Variants in SRPK2 observed in about 807,000 individuals in gnomAD.
SRPK2 encodes the protein SRSF protein kinase 2, also known as SFRS protein kinase 2.
A neutral mutation model predicts 90.8 loss-of-function variants in SRPK2; 21 were observed. The observed-to-expected ratio is 0.23, with a 90% CI of 0.16 to 0.33. The LOEUF is 0.33. Ranked by LOEUF, SRPK2 falls within the 10% of genes least tolerant of loss-of-function variation. The pLI is 1.00. For missense variants in SRPK2, 620 were observed against 869.0 expected (o/e 0.71, Z 3.60); for synonymous variants, 288 against 311.1 (o/e 0.93, Z 0.78).
At chr7:105,146,425 TCAA>T (rs1330425772) in intron 8 of SRPK2, 65 bp downstream of exon 8, 1 of 1,543,084 alleles carries the variant, frequency 6.5e-7, no homozygotes, top group African/African-American at 1.4e-5. Context: ...TCAGATACCT[TCAA>T]CAACTGCAAC....
chr7:105,241,208 T>A (rs1013836960), intron 2 of SRPK2, among the ~76,000 whole-genome samples: 3 of 152,210 alleles, frequency 2.0e-5, no homozygotes, highest in African/African-American at 7.2e-5. Flanking sequence ...TAAATTTAGA[T>A]GTTCCTTCTT....
chr7:105,323,414 G>A (rs2131575920), intron 2 of SRPK2, among the ~76,000 whole-genome samples: 1 of 152,240 alleles, frequency 6.6e-6, no homozygotes, highest in African/African-American at 2.4e-5. Context: ...GGCAACATAT[G>A]ACTTCCTCCT....
intron 3 of SRPK2, among the ~76,000 whole-genome samples, chr7:105,169,990 A>G (rs1790600087): frequency 6.6e-6 from 1 of 151,876 alleles, no homozygotes; most frequent in Non-Finnish European, 1.5e-5. Flanking sequence ...TAATTTTTGT[A>G]TTTTTTGTAG....
intron 2 of SRPK2, among the ~76,000 whole-genome samples, chr7:105,253,718 C>A (rs147027786): frequency 6.4e-4 from 98 of 152,172 alleles, no homozygotes; most frequent in African/African-American, 2.3e-3. Flanking sequence ...ATGAAAAGGT[C>A]TTGACCAAAA....
At chr7:105,320,727 A>G (rs1393865249) in intron 2 of SRPK2, among the ~76,000 whole-genome samples, 1 of 152,164 alleles carries the variant, frequency 6.6e-6, no homozygotes, top group East Asian at 1.9e-4. Flanking sequence ...TAACCCATTT[A>G]TGCCGAAGGT....
chr7:105,173,416 C>G (rs1022095086), intron 3 of SRPK2, among the ~76,000 whole-genome samples: 1 of 152,176 alleles, frequency 6.6e-6, no homozygotes, highest in African/African-American at 2.4e-5. Flanking sequence ...TCTGACCATT[C>G]ATTTTTCATT....
At chr7:105,249,309 CAA>C (rs749283796) in intron 2 of SRPK2, among the ~76,000 whole-genome samples, 9 of 151,942 alleles carry the variant, frequency 5.9e-5, no homozygotes, top group Non-Finnish European at 1.2e-4. Context: ...TTTTAATCTA[CAA>C]AGTGAGAATA....
intron 11 of SRPK2, among the ~76,000 whole-genome samples, chr7:105,140,408 C>T (rs1803539512): frequency 6.6e-6 from 1 of 151,960 alleles, no homozygotes; most frequent in Admixed American, 6.6e-5. Context: ...GGAGACCAGC[C>T]TGGCCAACAT....
rs6958345 is a variant in SRPK2, at chr7:105,247,529, T to A, written c.72-43744A>T. On this transcript the variant is annotated intron_variant, in intron 2 of 15. Coordinates refer to ENST00000393651, the MANE Select transcript of SRPK2 (RefSeq NM_182692.3). ...ACATACCAAAAAACACACACACACA[T>A]AAACACACACACACACACACACACA... is the stretch of plus-strand genomic sequence containing the variant. 6.8e-3 allele frequency among the ~76,000 whole-genome samples: 315 copies of A among 46,296 alleles called. 1 individual carries two copies. The highest frequency in any genetic ancestry group is 0.01 in the African/African-American group (296 of 28,552). 30.4% of individuals were successfully genotyped at this position (46,296 alleles called of 152,430 possible).
intron 2 of SRPK2, among the ~76,000 whole-genome samples, chr7:105,282,687 A>G (rs12537307): frequency 0.44 from 66,585 of 151,924 alleles, 15,858 homozygotes; most frequent in South Asian, 0.53. Flanking sequence ...TACTCGGGGG[A>G]CTGAGGCATG....
At chr7:105,296,498 A>G (rs1441132551) in intron 2 of SRPK2, among the ~76,000 whole-genome samples, 2 of 152,236 alleles carry the variant, frequency 1.3e-5, no homozygotes, top group Non-Finnish European at 2.9e-5. Context: ...GTCTTTAGAA[A>G]AAAGATTCCA....
At position 105,168,002 on chromosome 7, in the gene SRPK2, A is replaced by G; in HGVS notation, c.426+6T>C. The G allele has an allele frequency of 6.3e-7, 1 of 1,595,976 alleles. No homozygotes were observed. ...CTTATATCATTCACATTTTTAAAGT[A>G]CTTACACATTTGAGCAATTTTATTT... On this transcript the variant is annotated splice_donor_region_variant and intron_variant, in intron 5 of 15. Coordinates refer to ENST00000393651, the MANE Select transcript of SRPK2 (RefSeq NM_182692.3).
intron 2 of SRPK2, among the ~76,000 whole-genome samples, chr7:105,288,927 C>T (rs1419567039): frequency 6.6e-6 from 1 of 151,936 alleles, no homozygotes; most frequent in African/African-American, 2.4e-5. Flanking sequence ...CTCTCAATAA[C>T]GAAGCTTTCA....
chr7:105,119,445 C>A (rs368784364), intron 15 of SRPK2, among the ~76,000 whole-genome samples: 2 of 152,310 alleles, frequency 1.3e-5, no homozygotes, highest in East Asian at 3.9e-4. Flanking sequence ...GAAGAGTGTT[C>A]TTACACACTA....
chr7:105,179,390 A>T (rs1792432370), intron 3 of SRPK2, among the ~76,000 whole-genome samples: 1 of 152,242 alleles, frequency 6.6e-6, no homozygotes, highest in Non-Finnish European at 1.5e-5. Flanking sequence ...ACAGATTAAC[A>T]AATGAGCAGG....
At chr7:105,248,842 C>T (rs1802086882) in intron 2 of SRPK2, among the ~76,000 whole-genome samples, 1 of 150,424 alleles carries the variant, frequency 6.6e-6, no homozygotes, top group Non-Finnish European at 1.5e-5. Context: ...AGGAGAACGG[C>T]GTGAACCCGG....
At chr7:105,332,990 T>G (rs1265782855) in intron 2 of SRPK2, 1 of 152,126 alleles carries the variant, frequency 6.6e-6, no homozygotes, top group Non-Finnish European at 1.5e-5. Context: ...GGTCAGGACT[T>G]GGAGACCAGC....
intron 3 of SRPK2, among the ~76,000 whole-genome samples, chr7:105,172,342 T>C (rs937712932): frequency 1.3e-5 from 2 of 152,188 alleles, no homozygotes; most frequent in Non-Finnish European, 2.9e-5. Context: ...ACTGCAGGTG[T>C]TCAATAGAGG....
rs78208737 is a variant in SRPK2, at chr7:105,179,440, A to G, written c.230-10175T>C. ...ATTGTCTATGGCTATTTAAAACTGTAAAACTAACTGGCCCAAAGCATAATC... is the reference window on the plus strand; with the variant it reads ...ATTGTCTATGGCTATTTAAAACTGTGAAACTAACTGGCCCAAAGCATAATC... On this transcript the variant is annotated intron_variant, in intron 3 of 15. Transcript: ENST00000393651. Among the ~76,000 whole-genome samples the G allele has an allele frequency of 2.2e-3, 342 of 152,344 alleles. 9 individuals are homozygous for G. The East Asian group carries it at 0.057, about 25-fold the overall frequency.
Sources: allele counts gnomAD v4.1 joint callset (sites outside exome capture counted in the v4.1 genomes callset), GRCh38; gene constraint gnomAD v4.1.1; transcripts MANE v1.5; gene names NCBI Gene and HGNC (gene_info 2026-07-23, HGNC 2026-07-21).